LYST: variants seen among roughly 807,000 people sequenced by gnomAD.
The protein encoded by LYST is lysosomal-trafficking regulator.
Under a neutral mutation model 413.6 loss-of-function variants are expected in LYST, and 192 were observed. The ratio of observed to expected loss-of-function variants is 0.46; its 90% CI spans 0.41 to 0.52. The LOEUF is 0.52. LYST is among the 20% of genes least tolerant of loss of function. LYST has a pLI of 0.00. For missense variants in LYST, 3,815 were observed against 4,499.9 expected, an observed-to-expected ratio of 0.85 and a Z score of 4.35; for synonymous variants, 1,525 against 1,567.3, an observed-to-expected ratio of 0.97 and a Z score of 0.64.
rs1055101066 is a variant in LYST, at chr1:235,854,680, A to G, written c.-98+12163T>C. On this transcript the variant is annotated intron_variant, in intron 1 of 52. Coordinates refer to ENST00000389793, the MANE Select transcript of LYST (RefSeq NM_000081.4). The surrounding 1 kb of genome is among the most constrained non-coding windows in gnomAD (Gnocchi z 4.1). ...ACATTAAACGAGATAATTCATGTAAAATGCATAGCACAGTGCCTGGCAGAT... is the reference window on the plus strand; with the variant it reads ...ACATTAAACGAGATAATTCATGTAAGATGCATAGCACAGTGCCTGGCAGAT... 3.9e-5 allele frequency among the ~76,000 whole-genome samples: 6 copies of G among 152,196 alleles called. No individual in the cohort carries two copies. Among genetic ancestry groups the G allele is most frequent in the African/African-American group, 7.2e-5 (3 of 41,436 alleles).
chr1:235,705,577 G>T (rs1426362767), intron 44 of LYST, among the ~76,000 whole-genome samples: 1 of 151,812 alleles, frequency 6.6e-6, no homozygotes, highest in Admixed American at 6.6e-5. Flanking sequence ...GTAGAGACAG[G>T]TTCTTACCAT....
rs184751075 is a variant in LYST at position 235,802,892 on chromosome 1, T to C, written c.3712+16A>G. 6.2e-7 allele frequency: 1 copy of C among 1,612,620 alleles called. No homozygotes were observed. Among genetic ancestry groups the C allele is most frequent in the East Asian group, 2.2e-5 (1 of 44,744 alleles). On this transcript the variant is annotated intron_variant, in intron 8 of 52. Coordinates refer to ENST00000389793, the MANE Select transcript of LYST (RefSeq NM_000081.4). ...GGCTTGCAGATCTAATTACAAGCAC[T>C]TCAATGATATTTTACCATCATCCTG...
rs998704578 is a variant in LYST at position 235,860,053 on chromosome 1, G to A, written c.-98+6790C>T. ...GGCAAGCTGGTCTATAGTTTTTCTA[G>A]GAATCAGTCAGTGTCAAGATTTTCA... is the stretch of plus-strand genomic sequence containing the variant. On this transcript the variant is annotated intron_variant, in intron 1 of 52. Transcript: ENST00000389793. Among the ~76,000 whole-genome samples, 7 of 152,140 alleles carry A rather than the reference G, an allele frequency of 4.6e-5. No individual in the cohort carries two copies. In the South Asian group the frequency reaches 1.5e-3, roughly 32 times the overall value.
chr1:235,863,809 T>C (rs1680181058), intron 1 of LYST, among the ~76,000 whole-genome samples: 1 of 152,236 alleles, frequency 6.6e-6, no homozygotes, highest in Non-Finnish European at 1.5e-5. Context: ...TGTTTACTAC[T>C]AATAATCTCA....
At position 235,699,764 on chromosome 1, in the gene LYST, C is replaced by T. The variant is rs576085237; in HGVS notation, c.10375-2492G>A. The stretch of plus-strand genomic sequence containing the variant: ...CATTGTTCCTTGACTTTTTAATAAT[C>T]GCCATTCTGATTGGTGTGAGATGGT... On this transcript the variant is annotated intron_variant, in intron 45 of 52. Coordinates refer to ENST00000389793, the MANE Select transcript of LYST (RefSeq NM_000081.4). Among the ~76,000 whole-genome samples, 5 of 152,274 alleles carry T rather than the reference C, an allele frequency of 3.3e-5. No homozygotes were observed. The East Asian group carries it at 5.8e-4, about 18-fold the overall frequency.
intron 31 of LYST, chr1:235,738,129 T>C (rs866721745): frequency 6.2e-7 from 1 of 1,608,092 alleles, no homozygotes; most frequent in Non-Finnish European, 8.5e-7. Context: ...AATGAAGGAC[T>C]TGGCAGGCGA....
intron 44 of LYST, among the ~76,000 whole-genome samples, chr1:235,708,550 C>T (rs1413942775): frequency 1.3e-5 from 2 of 152,190 alleles, no homozygotes; most frequent in African/African-American, 2.4e-5. Flanking sequence ...TTATACCGAA[C>T]ACCTGCTTTC....
At chr1:235,721,619 TGA>T (rs1208422022) in intron 39 of LYST, among the ~76,000 whole-genome samples, 1 of 152,016 alleles carries the variant, frequency 6.6e-6, no homozygotes, top group African/African-American at 2.4e-5. Flanking sequence ...ATATGGATAA[TGA>T]GAGAGTGAAC....
chr1:235,871,866 C>T (rs1680939972), upstream of LYST, among the ~76,000 whole-genome samples: 1 of 152,196 alleles, frequency 6.6e-6, no homozygotes, highest in Non-Finnish European at 1.5e-5. Flanking sequence ...AAAACTCTCA[C>T]GTCCTTGCAT....
rs140229368 is a variant in LYST at position 235,746,397 on chromosome 1, C to T, written c.7911G>A (p.Thr2637=). The T allele has an allele frequency of 1.5e-4, 246 of 1,613,818 alleles. No homozygotes were observed. The highest frequency in any genetic ancestry group is 1.9e-4 in the Non-Finnish European group (219 of 1,179,914). Residue 2637 remains threonine (T), a synonymous_variant, in exon 29 of 53, where the codon ACG becomes ACA. Transcript: ENST00000389793. ...GCCTCTGTAGTCTCTGCGCAAGTTC[C>T]GTTTCAGTTGCTTGGCTAGGGTTCT... The part of the protein sequence containing the change: ...SQENPSQATE[T]ELAQRLQRLT...
Position 235,728,722 on chromosome 1 carries a change from G to GAGTAGTGA in LYST, c.9107-599_9107-592dup, listed in dbSNP as rs1052814788. On this transcript the variant is annotated intron_variant, in intron 37 of 52. Coordinates refer to ENST00000389793, the MANE Select transcript of LYST (RefSeq NM_000081.4). ...CGCCCCCTGCATGCTCATCACCCTC[G>GAGTAGTGA]AGTAGTGAAGTAGTGAAGTAGTGAA... Among the ~76,000 whole-genome samples, 15 of 152,208 alleles carry GAGTAGTGA rather than the reference G, an allele frequency of 9.9e-5. 1 individual carries two copies. The East Asian group carries it at 2.1e-3, about 22-fold the overall frequency.
intron 1 of LYST, chr1:235,853,047 C>A (rs192140250): frequency 5.9e-6 from 1 of 170,522 alleles, no homozygotes; most frequent in African/African-American, 2.4e-5. Context: ...AGAAAACTGA[C>A]TAATTACAGC....
intron 1 of LYST, among the ~76,000 whole-genome samples, chr1:235,864,021 T>C (rs1680204943): frequency 6.6e-6 from 1 of 152,144 alleles, no homozygotes; most frequent in Admixed American, 6.6e-5. Flanking sequence ...TAATGTCTGA[T>C]CGCCCTGGCC....
At position 235,781,048 on chromosome 1, in the gene LYST, C is replaced by T. The variant is rs773776725; in HGVS notation, c.5031G>A (p.Lys1677=). ...GATAAAAGGCCTCTTGTGAACCAAC[C>T]TTAGCTCCTGAATAGCAGAAAAATA... ...LGNLLLFNGA[K]VGSQEAFYLY... is the part of the protein sequence containing the mutation. Residue 1677 remains lysine, a synonymous_variant, in exon 16 of 53, where the codon AAG becomes AAA. Transcript: ENST00000389793. 16 of 1,606,584 alleles carry T rather than the reference C, an allele frequency of 1.0e-5. No individual in the cohort carries two copies. The highest frequency in any genetic ancestry group is 1.3e-5 in the African/African-American group (1 of 74,756).
intron 44 of LYST, among the ~76,000 whole-genome samples, chr1:235,708,151 C>CATTATT (rs896195645): frequency 6.6e-6 from 1 of 151,592 alleles, no homozygotes; most frequent in African/African-American, 2.4e-5. Flanking sequence ...TACCAAATAG[C>CATTATT]ATTATTATTA....
chr1:235,761,991 G>A (rs988901452), intron 22 of LYST, among the ~76,000 whole-genome samples: 5 of 108,536 alleles, frequency 4.6e-5, no homozygotes, highest in Non-Finnish European at 8.8e-5. Flanking sequence ...GGGGAGGGGG[G>A]AGGGATAGCA....
At position 235,806,475 on chromosome 1, in the gene LYST, C is replaced by G. The variant is rs2102865036; in HGVS notation, c.2661G>C (p.Lys887Asn). 1 of 1,614,098 alleles carries G rather than the reference C, an allele frequency of 6.2e-7. No homozygotes were observed. Among genetic ancestry groups the G allele is most frequent in the African/African-American group, 1.3e-5 (1 of 75,030 alleles). The stretch of plus-strand genomic sequence containing the variant: ...TGATATGAACATCTTGGTTAACAGT[C>G]TTCCGTCTCTTTGGATAAGCTTCTT... ...GLKEAYPKRR[K>N]TVNQDVHINT... is the part of the protein sequence containing the mutation. Residue 887 changes from lysine to asparagine, a missense_variant, in exon 6 of 53, where the codon AAG becomes AAC. Coordinates refer to ENST00000389793, the MANE Select transcript of LYST (RefSeq NM_000081.4).
At chr1:235,840,814 T>C (rs1377794906) in intron 1 of LYST, among the ~76,000 whole-genome samples, 1 of 152,180 alleles carries the variant, frequency 6.6e-6, no homozygotes, top group Non-Finnish European at 1.5e-5. Context: ...GGTAAGGATA[T>C]TTTTTTCTAA....
At chr1:235,680,547 T>C (rs1025194441) in intron 48 of LYST, among the ~76,000 whole-genome samples, 2 of 152,112 alleles carry the variant, frequency 1.3e-5, no homozygotes, top group Admixed American at 1.3e-4. Context: ...ATTACAGGCA[T>C]GAACCACTGT....
Sources: gnomAD v4.1 joint callset for allele counts (sites outside exome capture counted in the v4.1 genomes callset) on GRCh38, gnomAD v4.1.1 for gene constraint, Gnocchi (gnomAD v3.1) non-coding constraint, MANE v1.5 for transcripts, NCBI Gene and HGNC (gene_info 2026-07-23, HGNC 2026-07-21) for gene names.